The following CDH12 variants were observed in gnomAD, a reference collection of about 807,000 sequenced individuals.
CDH12 encodes the protein cadherin 12, also known as cadherin-12.
A neutral mutation model predicts 74.1 loss-of-function variants in CDH12; 41 were observed. The observed-to-expected ratio is 0.55, with a 90% CI of 0.43 to 0.72. CDH12 has a LOEUF of 0.72. CDH12 is among the 30% of genes least tolerant of loss of function. The pLI is 0.00. For missense variants in CDH12, 945 were observed against 977.2 expected, an observed-to-expected ratio of 0.97 and a Z score of 0.44; for synonymous variants, 399 against 355.0, an observed-to-expected ratio of 1.12 and a Z score of -1.39.
chr5:22,059,329 T>TATC (rs1447173486), intron 5 of CDH12, among the ~76,000 whole-genome samples: 1 of 149,132 alleles, frequency 6.7e-6, no homozygotes, highest in Admixed American at 6.8e-5. Flanking sequence ...ATCTATCGTC[T>TATC]ATCTATCATC....
intron 4 of CDH12, among the ~76,000 whole-genome samples, chr5:22,145,161 T>C (rs1022114293): frequency 3.9e-5 from 6 of 152,100 alleles, no homozygotes; most frequent in African/African-American, 1.4e-4. Flanking sequence ...GACAGTTGCA[T>C]TGTGTGAGAA....
At chr5:22,703,115 G>A (rs1187535486) in intron 1 of CDH12, among the ~76,000 whole-genome samples, 3 of 152,002 alleles carry the variant, frequency 2.0e-5, no homozygotes. Context: ...CCATGTATCT[G>A]TGTATACTCT....
intron 6 of CDH12, among the ~76,000 whole-genome samples, chr5:21,948,241 T>C (rs1755667426): frequency 6.6e-6 from 1 of 152,094 alleles, no homozygotes; most frequent in South Asian, 2.1e-4. Flanking sequence ...GACCCCTGAA[T>C]GGAAGATCCA....
chr5:21,769,016 G>A (rs1745176704), intron 11 of CDH12, among the ~76,000 whole-genome samples: 2 of 151,946 alleles, frequency 1.3e-5, no homozygotes, highest in Admixed American at 6.6e-5. Context: ...AGAACAAAAT[G>A]TTACAAGGCT....
intron 3 of CDH12, among the ~76,000 whole-genome samples, chr5:22,379,686 T>C (rs2126377229): frequency 6.6e-6 from 1 of 152,232 alleles, no homozygotes; most frequent in South Asian, 2.1e-4. Flanking sequence ...ACTGTGAGAG[T>C]CTACTGGCCA....
At chr5:21,800,706 T>C (rs907405509) in intron 10 of CDH12, among the ~76,000 whole-genome samples, 4 of 152,188 alleles carry the variant, frequency 2.6e-5, no homozygotes, top group African/African-American at 7.2e-5. Context: ...TCATTTAGAA[T>C]TGTAATCCCT....
chr5:22,848,617 G>A (rs1372015239), intron 1 of CDH12, among the ~76,000 whole-genome samples: 2 of 152,040 alleles, frequency 1.3e-5, no homozygotes, highest in African/African-American at 4.8e-5. Context: ...TTTCCTTCTT[G>A]AAGCACATTG....
intron 6 of CDH12, among the ~76,000 whole-genome samples, chr5:21,934,389 A>G (rs900587603): frequency 6.6e-6 from 1 of 152,200 alleles, no homozygotes; most frequent in Admixed American, 6.5e-5. Context: ...GTAATATGTG[A>G]TAATATGTAT....
intron 3 of CDH12, among the ~76,000 whole-genome samples, chr5:22,276,568 T>C (rs1736644189): frequency 6.6e-6 from 1 of 152,246 alleles, no homozygotes; most frequent in Non-Finnish European, 1.5e-5. Flanking sequence ...TTCACTCATG[T>C]TGAGCAGAAA....
intron 3 of CDH12, among the ~76,000 whole-genome samples, chr5:22,231,036 G>A (rs1752364480): frequency 1.3e-5 from 2 of 152,028 alleles, no homozygotes; most frequent in Admixed American, 1.3e-4. Flanking sequence ...TGGAGAAATA[G>A]GACTATATTC....
intron 4 of CDH12, among the ~76,000 whole-genome samples, chr5:22,192,746 T>C (rs2150347875): frequency 6.6e-6 from 1 of 152,298 alleles, no homozygotes; most frequent in South Asian, 2.1e-4. Context: ...GCTCACTTTG[T>C]AGATAACAGA....
chr5:22,520,204 G>T (rs986385649), intron 1 of CDH12, among the ~76,000 whole-genome samples: 1 of 151,960 alleles, frequency 6.6e-6, no homozygotes. Context: ...GCCACAATGT[G>T]AATAGTGATT....
At chr5:22,785,609 C>T (rs1747584942) in intron 1 of CDH12, among the ~76,000 whole-genome samples, 1 of 152,078 alleles carries the variant, frequency 6.6e-6, no homozygotes, top group South Asian at 2.1e-4. Flanking sequence ...AGCCTTGCCT[C>T]CCAGGTTCAA....
At chr5:21,858,410 G>A (rs77800812) in intron 6 of CDH12, among the ~76,000 whole-genome samples, 2,921 of 151,704 alleles carry the variant, frequency 0.019, 88 homozygotes, top group African/African-American at 0.066. Flanking sequence ...AATATTTTTT[G>A]TCCAAATTAT....
intron 3 of CDH12, among the ~76,000 whole-genome samples, chr5:22,315,463 G>A (rs1484143590): frequency 6.6e-6 from 1 of 152,006 alleles, no homozygotes; most frequent in African/African-American, 2.4e-5. Context: ...TATATAGATT[G>A]GAAGTGAAGA....
At chr5:22,532,545 A>C (rs572185216) in intron 1 of CDH12, among the ~76,000 whole-genome samples, 215 of 151,080 alleles carry the variant, frequency 1.4e-3, no homozygotes, top group Non-Finnish European at 2.4e-3. Flanking sequence ...CTTATTTAAG[A>C]TCTAACCCTG....
At chr5:22,167,312 G>A (rs1398970656) in intron 4 of CDH12, among the ~76,000 whole-genome samples, 7 of 152,286 alleles carry the variant, frequency 4.6e-5, no homozygotes, top group South Asian at 2.1e-4. Context: ...AATCATTCAC[G>A]AAGAGCCAAG....
chr5:22,506,504 T>C (rs755517884), intron 1 of CDH12, among the ~76,000 whole-genome samples: 1 of 152,156 alleles, frequency 6.6e-6, no homozygotes, highest in Non-Finnish European at 1.5e-5. Context: ...GTTGGTTTAG[T>C]GAGTACTTCC....
chr5:22,506,209 G>A (rs1418143907), intron 1 of CDH12, among the ~76,000 whole-genome samples: 1 of 152,042 alleles, frequency 6.6e-6, no homozygotes, highest in Non-Finnish European at 1.5e-5. Flanking sequence ...ACAGTCAAGG[G>A]ATACAGAGTT....
Sources: gnomAD v4.1 joint callset for allele counts (sites outside exome capture counted in the v4.1 genomes callset) on GRCh38, gnomAD v4.1.1 for gene constraint, MANE v1.5 for transcripts, NCBI Gene and HGNC (gene_info 2026-07-23, HGNC 2026-07-21) for gene names.